PLCB1: variants seen among roughly 807,000 people sequenced by gnomAD.
PLCB1 encodes the protein 1-phosphatidylinositol 4,5-bisphosphate phosphodiesterase beta-1.
A neutral mutation model predicts 161.8 loss-of-function variants in PLCB1; 46 were observed. The observed-to-expected ratio is 0.28, with a 90% CI of 0.22 to 0.36. The LOEUF is 0.36. Ranked by LOEUF, PLCB1 falls within the 10% of genes least tolerant of loss-of-function variation. The pLI is 1.00. For missense variants in PLCB1, 1,016 were observed against 1,472.5 expected (o/e 0.69, Z 5.07); for synonymous variants, 517 against 503.7 (o/e 1.03, Z -0.35).
chr20:8,320,013 A>T (rs538211369), intron 2 of PLCB1, among the ~76,000 whole-genome samples: 85 of 152,138 alleles, frequency 5.6e-4, no homozygotes, highest in African/African-American at 1.3e-3. Flanking sequence ...AAAATTTTTT[A>T]AAAAAAGAAA....
intron 11 of PLCB1, among the ~76,000 whole-genome samples, chr20:8,705,999 A>G (rs991751006): frequency 1.3e-5 from 2 of 152,250 alleles, no homozygotes; most frequent in Admixed American, 6.5e-5. Flanking sequence ...AAGCAATAAA[A>G]AGACTGTCAG....
intron 15 of PLCB1, among the ~76,000 whole-genome samples, chr20:8,723,402 C>T (rs1338698816): frequency 6.6e-6 from 1 of 152,092 alleles, no homozygotes; most frequent in East Asian, 1.9e-4. Flanking sequence ...ATATTACTAC[C>T]AGAATTTTTA....
chr20:8,442,347 C>T (rs921178890), intron 3 of PLCB1, among the ~76,000 whole-genome samples: 1 of 152,114 alleles, frequency 6.6e-6, no homozygotes, highest in Admixed American at 6.5e-5. Flanking sequence ...AAGATGGTTC[C>T]TCTAGAGGAG....
At chr20:8,568,027 A>T (rs1009199568) in intron 3 of PLCB1, among the ~76,000 whole-genome samples, 2 of 152,162 alleles carry the variant, frequency 1.3e-5, no homozygotes, top group African/African-American at 4.8e-5. Flanking sequence ...TATAGTTGTG[A>T]TATTGTCTTA....
chr20:8,650,977 TAC>T (rs1568546792), intron 7 of PLCB1, among the ~76,000 whole-genome samples: 1 of 152,194 alleles, frequency 6.6e-6, no homozygotes, highest in Non-Finnish European at 1.5e-5. Flanking sequence ...GTACATCATA[TAC>T]ATTAACCACC....
intron 3 of PLCB1, among the ~76,000 whole-genome samples, chr20:8,487,068 G>A (rs958949188): frequency 3.9e-5 from 6 of 152,162 alleles, no homozygotes; most frequent in African/African-American, 1.2e-4. Flanking sequence ...TTCACAAATT[G>A]TTTCTATTTT....
At chr20:8,682,567 G>A (rs926657051) in intron 9 of PLCB1, among the ~76,000 whole-genome samples, 4 of 152,150 alleles carry the variant, frequency 2.6e-5, no homozygotes, top group Admixed American at 6.5e-5. Flanking sequence ...AGCAGTCATC[G>A]GTCACCTTGA....
chr20:8,617,476 CAG>C lies in PLCB1; in HGVS notation c.247-10817_247-10816del, dbSNP rs575513414. 2.0e-5 allele frequency among the ~76,000 whole-genome samples: 3 copies of C among 152,052 alleles called. No homozygotes were observed. In the South Asian group the frequency reaches 6.2e-4, roughly 32 times the overall value. ...TCAATTCTGAATTCAGTGAGATCATCAGGGTGGCTTGAAATTGGCTATGTTGG... is the reference window on the plus strand; with the variant it reads ...TCAATTCTGAATTCAGTGAGATCATCGGTGGCTTGAAATTGGCTATGTTGG... On this transcript the variant is annotated intron_variant, in intron 3 of 31. Coordinates refer to ENST00000338037, the MANE Select transcript of PLCB1 (RefSeq NM_015192.4).
chr20:8,553,879 G>T (rs924536352), intron 3 of PLCB1, among the ~76,000 whole-genome samples: 1 of 151,982 alleles, frequency 6.6e-6, no homozygotes, highest in African/African-American at 2.4e-5. Flanking sequence ...GTACATGCCT[G>T]TAGTCCCAGC....
intron 31 of PLCB1, among the ~76,000 whole-genome samples, chr20:8,817,755 G>A (rs536433253): frequency 6.6e-6 from 1 of 152,152 alleles, no homozygotes; most frequent in African/African-American, 2.4e-5. Flanking sequence ...GTGAGAAAGA[G>A]CAAAAATAAC....
At chr20:8,783,687 C>G (rs538218960) in intron 27 of PLCB1, among the ~76,000 whole-genome samples, 2 of 152,326 alleles carry the variant, frequency 1.3e-5, no homozygotes, top group South Asian at 4.1e-4. Context: ...AACTCTGCCC[C>G]TGCTTTTCTC....
chr20:8,418,366 GC>G (rs960529825), intron 3 of PLCB1, among the ~76,000 whole-genome samples: 20 of 152,052 alleles, frequency 1.3e-4, no homozygotes, highest in Non-Finnish European at 2.5e-4. Context: ...CAACCTTCAG[GC>G]CACCTCCACC....
chr20:8,223,429 A>T (rs1600243942), intron 2 of PLCB1, among the ~76,000 whole-genome samples: 1 of 152,126 alleles, frequency 6.6e-6, no homozygotes, highest in East Asian at 1.9e-4. Context: ...TAGAGTCTCA[A>T]CTTTGACTTT....
chr20:8,384,810 G>T (rs1169953851), intron 3 of PLCB1, among the ~76,000 whole-genome samples: 1 of 152,094 alleles, frequency 6.6e-6, no homozygotes, highest in East Asian at 1.9e-4. Context: ...AGTTTGCTGG[G>T]GGTTCACTTC....
chr20:8,614,536 T>G (rs918988702), intron 3 of PLCB1, among the ~76,000 whole-genome samples: 1 of 151,814 alleles, frequency 6.6e-6, no homozygotes, highest in Non-Finnish European at 1.5e-5. Flanking sequence ...CAGTAAGCAG[T>G]CAAGTTACAA....
intron 17 of PLCB1, among the ~76,000 whole-genome samples, chr20:8,728,646 G>T (rs1568575361): frequency 6.6e-6 from 1 of 151,924 alleles, no homozygotes; most frequent in Non-Finnish European, 1.5e-5. Flanking sequence ...CTCCTTGTGT[G>T]TCCTTAGTCA....
intron 17 of PLCB1, among the ~76,000 whole-genome samples, chr20:8,728,568 T>C (rs1600280808): frequency 2.0e-5 from 3 of 152,102 alleles, no homozygotes; most frequent in African/African-American, 7.2e-5. Context: ...AAAATAGCTA[T>C]ACAGTGCATA....
chr20:8,351,620 G>C (rs994938552), intron 2 of PLCB1, among the ~76,000 whole-genome samples: 1 of 151,928 alleles, frequency 6.6e-6, no homozygotes, highest in African/African-American at 2.4e-5. Context: ...TGAATATATA[G>C]AGAACCCTTA....
intron 1 of PLCB1, among the ~76,000 whole-genome samples, chr20:8,146,831 A>G (rs1025280842): frequency 1.2e-4 from 18 of 152,236 alleles, no homozygotes; most frequent in African/African-American, 4.1e-4. Flanking sequence ...ATGATATAGG[A>G]ATGACAGTAA....
Sources: allele counts gnomAD v4.1 joint callset (sites outside exome capture counted in the v4.1 genomes callset), GRCh38; gene constraint gnomAD v4.1.1; transcripts MANE v1.5; gene names NCBI Gene and HGNC (gene_info 2026-07-23, HGNC 2026-07-21).